The following ABCD3 variants were observed in gnomAD, a reference collection of about 807,000 sequenced individuals.
ABCD3 encodes the protein ATP-binding cassette sub-family D member 3.
Under a neutral mutation model 105.5 loss-of-function variants are expected in ABCD3, and 41 were observed. The ratio of observed to expected loss-of-function variants is 0.39; its 90% confidence interval spans 0.30 to 0.50. The LOEUF is 0.50. ABCD3 is among the 20% of genes least tolerant of loss of function. ABCD3 has a pLI of 0.84. For synonymous variants in ABCD3, 258 were observed against 269.0 expected, an observed-to-expected ratio of 0.96 and a Z score of 0.40; for missense variants, 622 against 806.3, an observed-to-expected ratio of 0.77 and a Z score of 2.77.
chr1:94,448,970 A>G (rs1478910900), intron 1 of ABCD3, among the ~76,000 whole-genome samples: 1 of 152,206 alleles, frequency 6.6e-6, no homozygotes, highest in African/African-American at 2.4e-5. Flanking sequence ...CCTAAAGGCT[A>G]GATGCTATCA....
At chr1:94,462,222 TTAGAAGTGGGAAAAGTGG>T in intron 2 of ABCD3, among the ~76,000 whole-genome samples, 1 of 152,184 alleles carries the variant, frequency 6.6e-6, no homozygotes, top group African/African-American at 2.4e-5. Flanking sequence ...ATTGGGAAGT[TTAGAAGTGGGAAAAGTGG>T]TCTTTTTTTG....
chr1:94,456,357 C>T (rs1446356114), intron 1 of ABCD3, among the ~76,000 whole-genome samples: 5 of 141,342 alleles, frequency 3.5e-5, no homozygotes, highest in African/African-American at 1.3e-4. Context: ...TTGCTGCAAC[C>T]TCTGCCTCCC....
chr1:94,487,811 A>G lies in ABCD3; in HGVS notation c.1065+20A>G. ...CTAGAGGTAAACTGATGATAATACA[A>G]TGAAAATGTAACAGTAAAAATAAAG... On this transcript the variant is annotated intron_variant, in intron 12 of 22. Coordinates refer to ENST00000370214, the MANE Select transcript of ABCD3 (RefSeq NM_002858.4). 6.2e-7 allele frequency: 1 copy of G among 1,612,464 alleles called. No individual in the cohort carries two copies. The highest frequency in any genetic ancestry group is 8.5e-7 in the Non-Finnish European group (1 of 1,178,556).
In ABCD3 at chr1:94,516,422, A is replaced by G. The variant is rs4148039; in HGVS notation, c.1903-630A>G. Among the ~76,000 whole-genome samples the G allele has an allele frequency of 4.4e-4, 67 of 152,092 alleles. 1 individual carries two copies. The East Asian group carries it at 0.013, about 29-fold the overall frequency. ...AATAACTAGAAATCAAAGGCATTTA[A>G]AATATAGCCAAGCCTTTATGTTTTC... On this transcript the variant is annotated intron_variant, in intron 22 of 22. Coordinates refer to ENST00000370214, the MANE Select transcript of ABCD3 (RefSeq NM_002858.4).
intron 22 of ABCD3, among the ~76,000 whole-genome samples, chr1:94,516,370 A>G (rs766329241): frequency 2.0e-5 from 3 of 151,994 alleles, no homozygotes; most frequent in Non-Finnish European, 4.4e-5. Flanking sequence ...TAACTTGTCA[A>G]TTTTTCATGA....
chr1:94,482,922 G>A (rs1326356535), intron 9 of ABCD3: 4 of 476,306 alleles, frequency 8.4e-6, no homozygotes, highest in Non-Finnish European at 1.5e-5. Context: ...GTCTTTTGCA[G>A]CCAGGATACC....
chr1:94,446,645 C>T lies in ABCD3; in HGVS notation c.111-11962C>T, dbSNP rs184111645. On this transcript the variant is annotated intron_variant, in intron 1 of 22. Coordinates refer to ENST00000370214, the MANE Select transcript of ABCD3 (RefSeq NM_002858.4). ...GGTGAATCAAATTACTGATAAATGT[C>T]CTACCTGTGAAATAACTATTCAGGG... Among the ~76,000 whole-genome samples, 1,005 of 152,218 alleles carry T rather than the reference C, an allele frequency of 6.6e-3. 3 individuals carry two copies. The highest frequency in any genetic ancestry group is 0.011 in the Non-Finnish European group (769 of 68,012).
At chr1:94,485,120 T>C (rs1351411218) in intron 10 of ABCD3, among the ~76,000 whole-genome samples, 3 of 152,192 alleles carry the variant, frequency 2.0e-5, no homozygotes, top group African/African-American at 7.2e-5. Flanking sequence ...TGGGTCAGAG[T>C]TTACTGGCTT....
rs959368796 is a variant in ABCD3 at position 94,485,430 on chromosome 1, A to G, written c.898-2112A>G. Among the ~76,000 whole-genome samples, 3 of 152,218 alleles carry G rather than the reference A, an allele frequency of 2.0e-5. No individual in the cohort carries two copies. In the East Asian group the frequency reaches 5.8e-4, roughly 29 times the overall value. ...AGAAATTGTCATTTTAAATTATTTC[A>G]GAAATTGGATTTTTGCCTCGTCGGT... On this transcript the variant is annotated intron_variant, in intron 10 of 22. Coordinates refer to ENST00000370214, the MANE Select transcript of ABCD3 (RefSeq NM_002858.4).
At chr1:94,508,693 G>A (rs1650494771) in intron 21 of ABCD3, among the ~76,000 whole-genome samples, 1 of 150,842 alleles carries the variant, frequency 6.6e-6, no homozygotes, top group South Asian at 2.1e-4. Context: ...AGTTCTCCTT[G>A]AAGAGGTCCT....
chr1:94,467,790 A>G, intron 3 of ABCD3, 129 bp from the exon 4 acceptor site: 1 of 668,174 alleles, frequency 1.5e-6, no homozygotes, highest in Non-Finnish European at 2.7e-6. Context: ...TATAGAAAAA[A>G]TGTCAGCCAA....
rs772167305 is a variant in ABCD3, at chr1:94,475,696, T to G, written c.586T>G (p.Phe196Val). The G allele has an allele frequency of 6.2e-7, 1 of 1,609,246 alleles. No individual in the cohort carries two copies. The highest frequency in any genetic ancestry group is 8.5e-7 in the Non-Finnish European group (1 of 1,176,114). ...DQLLTQDVEKFCNSVVDLYSN... is the reference protein window; with the variant it reads ...DQLLTQDVEKVCNSVVDLYSN... ...GCTGCTTACACAAGATGTAGAAAAA[T>G]TTTGTAACAGTGTAGTCGATCTGTA... is the stretch of plus-strand genomic sequence containing the variant. Residue 196 changes from phenylalanine (F) to valine (V), a missense_variant, in exon 7 of 23, where the codon TTT (phenylalanine) becomes GTT (valine). Phe to Val is a conservative substitution (Grantham distance 50). Coordinates refer to ENST00000370214, the MANE Select transcript of ABCD3 (RefSeq NM_002858.4).
At chr1:94,501,463 C>T (rs1159953580) in intron 20 of ABCD3, among the ~76,000 whole-genome samples, 5 of 152,180 alleles carry the variant, frequency 3.3e-5, no homozygotes, top group East Asian at 1.9e-4. Context: ...CAAATACTAA[C>T]GTTGGTGAAA....
chr1:94,509,569 G>T (rs1386906770), intron 21 of ABCD3, among the ~76,000 whole-genome samples: 1 of 152,164 alleles, frequency 6.6e-6, no homozygotes, highest in Non-Finnish European at 1.5e-5. Flanking sequence ...AATGGTACCA[G>T]TTCCTCCTTG....
At chr1:94,393,321 G>A in the ABCD3 span, among the ~76,000 whole-genome samples, 1 of 151,698 alleles carries the variant, frequency 6.6e-6, no homozygotes, top group Non-Finnish European at 1.5e-5. Flanking sequence ...AGAGGGAGAA[G>A]GAGGAAGATC....
At chr1:94,436,139 A>T (rs1457012352) in intron 1 of ABCD3, among the ~76,000 whole-genome samples, 1 of 152,176 alleles carries the variant, frequency 6.6e-6, no homozygotes, top group Non-Finnish European at 1.5e-5. Flanking sequence ...GAATTTAGGG[A>T]TGCTCATTGC....
chr1:94,420,002 T>C (rs947180125), intron 1 of ABCD3, among the ~76,000 whole-genome samples: 1 of 152,192 alleles, frequency 6.6e-6, no homozygotes, highest in Non-Finnish European at 1.5e-5. Flanking sequence ...GTCCTTTAAC[T>C]TGAATTCTGT....
At chr1:94,457,000 T>G (rs972365666) in intron 1 of ABCD3, among the ~76,000 whole-genome samples, 4 of 152,206 alleles carry the variant, frequency 2.6e-5, no homozygotes, top group Non-Finnish European at 5.9e-5. Context: ...TGATGATTAG[T>G]GATGCTGAGC....
intron 4 of ABCD3, among the ~76,000 whole-genome samples, chr1:94,470,042 C>T (rs1386977318): frequency 2.0e-5 from 3 of 152,094 alleles, no homozygotes; most frequent in Non-Finnish European, 4.4e-5. Context: ...TCTTTGTATC[C>T]TGAATTAAAT....
Sources: gnomAD v4.1 joint callset for allele counts (sites outside exome capture counted in the v4.1 genomes callset) on GRCh38, gnomAD v4.1.1 for gene constraint, MANE v1.5 for transcripts, NCBI Gene and HGNC (gene_info 2026-07-23, HGNC 2026-07-21) for gene names.